Variants in SORCS3 observed in about 807,000 individuals in gnomAD.
The protein encoded by SORCS3 is VPS10 domain-containing receptor SorCS3.
SORCS3 carries 57 observed loss-of-function variants against 146.3 expected under a neutral mutation model. That is an observed-to-expected ratio of 0.39 (90% CI 0.31 to 0.49). The LOEUF is 0.49. SORCS3 is among the 20% of genes least tolerant of loss of function. SORCS3 has a pLI of 0.92. For synonymous variants in SORCS3, 653 were observed against 618.5 expected, an observed-to-expected ratio of 1.06 and a Z score of -0.83; for missense variants, 1,341 against 1,575.5, an observed-to-expected ratio of 0.85 and a Z score of 2.52.
intron 1 of SORCS3, among the ~76,000 whole-genome samples, chr10:104,717,315 A>AG (rs1416907102): frequency 1.3e-5 from 2 of 151,964 alleles, no homozygotes; most frequent in Non-Finnish European, 2.9e-5. Flanking sequence ...AAAAAAAAAA[A>AG]AAGGAAAAAG....
rs147534991 is a variant in SORCS3, at chr10:105,126,067, C to A, written c.1213-13330C>A. ...TGGTAGCTCAGCTATAACTCTTGGG[C>A]ATTTTCTTCAAGCAAAACTTCATTC... On this transcript the variant is annotated intron_variant, in intron 7 of 26. Transcript: ENST00000369701. Among the ~76,000 whole-genome samples the A allele has an allele frequency of 7.2e-3, 1,102 of 152,218 alleles. 15 individuals carry two copies. Among genetic ancestry groups the A allele is most frequent in the African/African-American group, 0.025 (1,048 of 41,532 alleles).
chr10:105,001,869 A>C (rs970859454), intron 4 of SORCS3, among the ~76,000 whole-genome samples: 1 of 151,936 alleles, frequency 6.6e-6, no homozygotes, highest in African/African-American at 2.4e-5. Context: ...AGAGAAGAGG[A>C]AACTAGGGTT....
At chr10:105,205,604 C>A (rs2056597958) in intron 16 of SORCS3, among the ~76,000 whole-genome samples, 1 of 152,104 alleles carries the variant, frequency 6.6e-6, no homozygotes, top group Admixed American at 6.6e-5. Context: ...CACGAGGGCT[C>A]TTGAGAGGGA....
At chr10:104,902,505 G>A (rs2018862158) in intron 2 of SORCS3, among the ~76,000 whole-genome samples, 1 of 152,228 alleles carries the variant, frequency 6.6e-6, no homozygotes, top group African/African-American at 2.4e-5. Context: ...TCTCTTTCCA[G>A]TTATACTTTT....
intron 1 of SORCS3, among the ~76,000 whole-genome samples, chr10:104,694,890 C>A (rs1055560827): frequency 2.0e-5 from 3 of 152,162 alleles, no homozygotes; most frequent in Admixed American, 6.5e-5. Flanking sequence ...TCTTGGAAAA[C>A]AGTAGGTCCT....
intron 1 of SORCS3, among the ~76,000 whole-genome samples, chr10:104,763,437 G>A (rs1456592397): frequency 6.6e-6 from 1 of 152,156 alleles, no homozygotes; most frequent in Non-Finnish European, 1.5e-5. Flanking sequence ...GAATCATGTG[G>A]CTTACAAATA....
chr10:104,921,346 G>A lies in SORCS3; in HGVS notation c.795+5414G>A, dbSNP rs184326051. 2.9e-3 allele frequency among the ~76,000 whole-genome samples: 446 copies of A among 152,290 alleles called. 2 individuals are homozygous for A. Among genetic ancestry groups the A allele is most frequent in the South Asian group, 0.019 (90 of 4,824 alleles). ...TCTTTGAGTGGACAGAGAAATGCAGGCATGTTATTGTCTAATTACTCTGGC... is the reference window on the plus strand; with the variant it reads ...TCTTTGAGTGGACAGAGAAATGCAGACATGTTATTGTCTAATTACTCTGGC... On this transcript the variant is annotated intron_variant, in intron 3 of 26. Coordinates refer to ENST00000369701, the MANE Select transcript of SORCS3 (RefSeq NM_014978.3).
chr10:104,703,371 G>A (rs550805217), intron 1 of SORCS3, among the ~76,000 whole-genome samples: 7 of 152,238 alleles, frequency 4.6e-5, no homozygotes, highest in African/African-American at 1.7e-4. Context: ...GCACAGCCTC[G>A]CCAGCATCTA....
At chr10:104,819,473 T>C (rs529326408) in intron 1 of SORCS3, among the ~76,000 whole-genome samples, 1 of 152,252 alleles carries the variant, frequency 6.6e-6, no homozygotes, top group African/African-American at 2.4e-5. Context: ...TCACATCTCC[T>C]CCTCTCATAT....
chr10:104,954,340 C>G (rs1227909226), intron 3 of SORCS3, among the ~76,000 whole-genome samples: 1 of 152,042 alleles, frequency 6.6e-6, no homozygotes, highest in Non-Finnish European at 1.5e-5. Context: ...ATAGTGAAAG[C>G]CACCTTTAGC....
At chr10:105,192,464 G>A (rs1337858932) in intron 14 of SORCS3, among the ~76,000 whole-genome samples, 1 of 152,080 alleles carries the variant, frequency 6.6e-6, no homozygotes, top group African/African-American at 2.4e-5. Flanking sequence ...GGAAGGGGCT[G>A]GCAGAGTCGG....
intron 5 of SORCS3, among the ~76,000 whole-genome samples, chr10:105,066,526 A>G (rs2055523725): frequency 6.6e-6 from 1 of 152,082 alleles, no homozygotes; most frequent in African/African-American, 2.4e-5. Context: ...TTGCTGCCTC[A>G]CATTTGGATT....
At chr10:104,823,282 A>G (rs1019060525) in intron 1 of SORCS3, among the ~76,000 whole-genome samples, 5 of 152,216 alleles carry the variant, frequency 3.3e-5, no homozygotes, top group Non-Finnish European at 5.9e-5. Context: ...AATGAGGTTT[A>G]GGCCATGGGA....
At chr10:105,191,981 T>G (rs1201341740) in intron 14 of SORCS3, among the ~76,000 whole-genome samples, 3 of 152,184 alleles carry the variant, frequency 2.0e-5, no homozygotes, top group African/African-American at 7.2e-5. Flanking sequence ...TGAAACCACA[T>G]TCTCTTTAAA....
At chr10:104,748,113 A>G (rs987401936) in intron 1 of SORCS3, among the ~76,000 whole-genome samples, 1 of 152,192 alleles carries the variant, frequency 6.6e-6, no homozygotes, top group African/African-American at 2.4e-5. Context: ...CTTCTCAGAA[A>G]AGTCTCTGTT....
intron 2 of SORCS3, among the ~76,000 whole-genome samples, chr10:104,912,752 T>G (rs2018981875): frequency 6.6e-6 from 1 of 152,162 alleles, no homozygotes; most frequent in Admixed American, 6.5e-5. Context: ...GTTCTAGTCT[T>G]CAAGGAGTTA....
At chr10:104,734,594 T>G (rs1589478009) in intron 1 of SORCS3, among the ~76,000 whole-genome samples, 1 of 152,258 alleles carries the variant, frequency 6.6e-6, no homozygotes, top group East Asian at 1.9e-4. Context: ...CTGTGGGTCC[T>G]AGTCTTGTGC....
At chr10:105,056,182 C>G (rs1176934910) in intron 5 of SORCS3, among the ~76,000 whole-genome samples, 1 of 152,170 alleles carries the variant, frequency 6.6e-6, no homozygotes, top group Non-Finnish European at 1.5e-5. Flanking sequence ...AAGCTGAGGT[C>G]ATATGTCTGG....
At chr10:104,713,307 C>G (rs1450782544) in intron 1 of SORCS3, among the ~76,000 whole-genome samples, 1 of 152,150 alleles carries the variant, frequency 6.6e-6, no homozygotes, top group African/African-American at 2.4e-5. Context: ...AGAAGAAGTC[C>G]CAACCCTCCT....
Sources: allele counts gnomAD v4.1 joint callset (sites outside exome capture counted in the v4.1 genomes callset), GRCh38; gene constraint gnomAD v4.1.1; transcripts MANE v1.5; gene names NCBI Gene and HGNC (gene_info 2026-07-23, HGNC 2026-07-21).